CCDC7: variants seen among roughly 807,000 people sequenced by gnomAD.
The protein encoded by CCDC7 is coiled-coil domain containing 7, also known as coiled-coil domain-containing protein 7.
Under a neutral mutation model 196.9 loss-of-function variants are expected in CCDC7, and 183 were observed. The observed-to-expected ratio is 0.93, with a 90% CI of 0.82 to 1.05. CCDC7 has a LOEUF of 1.05. CCDC7 is among the 50% of genes least tolerant of loss of function. The probability of loss-of-function intolerance (pLI) is 0.00; values close to 1 mark genes in which losing one functional copy is unlikely to be tolerated. For synonymous variants in CCDC7, 525 were observed against 484.6 expected, an observed-to-expected ratio of 1.08 and a Z score of -1.10; for missense variants, 1,540 against 1,482.2, an observed-to-expected ratio of 1.04 and a Z score of -0.64.
chr10:32,575,353 T>C (rs2058071558), intron 16 of CCDC7, among the ~76,000 whole-genome samples: 2 of 152,202 alleles, frequency 1.3e-5, no homozygotes, highest in South Asian at 2.1e-4. Flanking sequence ...GGCATATTAC[T>C]AGTGACCCAA....
intron 36 of CCDC7, 27 bp downstream of exon 37, chr10:32,845,986 AT>A: frequency 2.0e-6 from 3 of 1,507,798 alleles, no homozygotes; most frequent in Non-Finnish European, 2.8e-6. Context: ...TTCAAGTCTA[AT>A]ATTTAGGCTT....
At chr10:32,535,854 A>C (rs1438148182) in intron 11 of CCDC7, among the ~76,000 whole-genome samples, 1 of 152,226 alleles carries the variant, frequency 6.6e-6, no homozygotes, top group Non-Finnish European at 1.5e-5. Context: ...CTGTTTCAAA[A>C]TATGGCAAAG....
intron 41 of CCDC7, among the ~76,000 whole-genome samples, chr10:32,861,138 A>G (rs2093968647): frequency 7.2e-6 from 1 of 139,372 alleles, no homozygotes; most frequent in African/African-American, 2.5e-5. Flanking sequence ...AAAAAAAGAA[A>G]GCTGAAGGCA....
At chr10:32,545,395 A>G (rs2052256372) in intron 13 of CCDC7, among the ~76,000 whole-genome samples, 1 of 152,226 alleles carries the variant, frequency 6.6e-6, no homozygotes, top group Non-Finnish European at 1.5e-5. Context: ...GTTAAGAACC[A>G]AGGAGTTATA....
intron 25 of CCDC7, among the ~76,000 whole-genome samples, chr10:32,722,965 T>C (rs1186874988): frequency 1.3e-5 from 2 of 152,104 alleles, no homozygotes; most frequent in Non-Finnish European, 2.9e-5. Context: ...TTGTTTAGTT[T>C]TGAAAGCTGA....
At chr10:32,502,452 C>T (rs2044219495) in intron 9 of CCDC7, among the ~76,000 whole-genome samples, 1 of 152,080 alleles carries the variant, frequency 6.6e-6, no homozygotes, top group Admixed American at 6.6e-5. Flanking sequence ...AGGAATCATC[C>T]ACCTTCTGTG....
At chr10:32,788,608 C>T (rs1044585982) in intron 29 of CCDC7, among the ~76,000 whole-genome samples, 17 of 152,158 alleles carry the variant, frequency 1.1e-4, no homozygotes, top group African/African-American at 3.1e-4. Flanking sequence ...TTTAGGCCAG[C>T]ACCCATGGAC....
chr10:32,530,067 G>A (rs1437837838), intron 11 of CCDC7, among the ~76,000 whole-genome samples: 1 of 152,102 alleles, frequency 6.6e-6, no homozygotes, highest in Non-Finnish European at 1.5e-5. Flanking sequence ...CTTTGTCAAA[G>A]ATCAGTTGAC....
At chr10:32,618,211 G>A (rs537716813) in intron 18 of CCDC7, among the ~76,000 whole-genome samples, 15 of 151,862 alleles carry the variant, frequency 9.9e-5, no homozygotes, top group Admixed American at 7.2e-4. Context: ...CTTTTAAGTG[G>A]AGCATTTAAC....
At chr10:32,827,496 A>T (rs867635398) in intron 32 of CCDC7, among the ~76,000 whole-genome samples, 1 of 152,172 alleles carries the variant, frequency 6.6e-6, no homozygotes, top group Non-Finnish European at 1.5e-5. Context: ...AGAATGCCTT[A>T]TACACCATCA....
intron 13 of CCDC7, among the ~76,000 whole-genome samples, chr10:32,555,078 C>T (rs1028637432): frequency 6.6e-6 from 1 of 152,040 alleles, no homozygotes; most frequent in African/African-American, 2.4e-5. Flanking sequence ...ACTACATTTT[C>T]TTTATTCATT....
At chr10:32,841,178 G>A (rs2136094318) in intron 33 of CCDC7, among the ~76,000 whole-genome samples, 1 of 152,090 alleles carries the variant, frequency 6.6e-6, no homozygotes, top group South Asian at 2.1e-4. Flanking sequence ...GAAATAAAGG[G>A]CATCCAAATT....
intron 28 of CCDC7, among the ~76,000 whole-genome samples, chr10:32,743,213 G>GTT (rs1325690427): frequency 6.6e-6 from 1 of 152,108 alleles, no homozygotes; most frequent in African/African-American, 2.4e-5. Context: ...ACAAGAATAG[G>GTT]TTTAGTTTTT....
At chr10:32,736,867 A>AC (rs1231636731) in intron 28 of CCDC7, among the ~76,000 whole-genome samples, 1 of 152,054 alleles carries the variant, frequency 6.6e-6, no homozygotes, top group Admixed American at 6.6e-5. Context: ...TTCTTGTCTT[A>AC]CTGCATTAGT....
rs752521585 is a variant in CCDC7 at position 32,805,005 on chromosome 10, A to G, written c.3014-10A>G. 2.6e-6 allele frequency: 4 copies of G among 1,567,928 alleles called. No homozygotes were observed. The highest frequency in any genetic ancestry group is 2.6e-6 in the Non-Finnish European group (3 of 1,139,154). ...TCGCAAAGTATTTTTAAATCCATCT[A>G]TTTCTATAGAGACTGATATAGAAAG... On this transcript the variant is annotated splice_polypyrimidine_tract_variant and intron_variant, in intron 29 of 41. Coordinates refer to ENST00000639629, the Ensembl canonical transcript of CCDC7.
intron 13 of CCDC7, among the ~76,000 whole-genome samples, chr10:32,547,482 C>T (rs1296790434): frequency 6.6e-6 from 1 of 152,076 alleles, no homozygotes; most frequent in Non-Finnish European, 1.5e-5. Context: ...AGAAGCAAGC[C>T]ACAGATCCCA....
chr10:32,727,834 T>C (rs2083348369), intron 26 of CCDC7, among the ~76,000 whole-genome samples: 2 of 152,098 alleles, frequency 1.3e-5, no homozygotes, highest in South Asian at 4.1e-4. Flanking sequence ...TTTGATTGAA[T>C]TGGAAAATCA....
intron 8 of CCDC7, among the ~76,000 whole-genome samples, chr10:32,481,051 G>A (rs2039876958): frequency 1.3e-5 from 2 of 151,988 alleles, no homozygotes; most frequent in South Asian, 4.1e-4. Context: ...GTATATATTT[G>A]TTATATTCTC....
chr10:32,674,005 A>G (rs1483658167), intron 21 of CCDC7, among the ~76,000 whole-genome samples: 1 of 151,746 alleles, frequency 6.6e-6, no homozygotes, highest in Non-Finnish European at 1.5e-5. Flanking sequence ...TCTCTTTTTA[A>G]TAATTAATCT....
Sources: allele counts gnomAD v4.1 joint callset (sites outside exome capture counted in the v4.1 genomes callset), GRCh38; gene constraint gnomAD v4.1.1; transcripts MANE v1.5; gene names NCBI Gene and HGNC (gene_info 2026-07-23, HGNC 2026-07-21).